The following ABCG1 variants were observed in gnomAD, a reference collection of about 807,000 sequenced individuals.
ABCG1 encodes ATP binding cassette subfamily G member 1, also known as ATP-binding cassette sub-family G member 1.
ABCG1 carries 29 observed loss-of-function variants against 69.2 expected under a neutral mutation model. That is an observed-to-expected ratio of 0.42 (90% CI 0.31 to 0.57). The LOEUF is 0.57. Among genes scored for constraint, ABCG1 ranks in the 20% least tolerant of loss-of-function variants. The probability of loss-of-function intolerance (pLI) is 0.15; values close to 1 mark genes in which losing one functional copy is unlikely to be tolerated. For missense variants in ABCG1, 718 were observed against 898.1 expected (o/e 0.80, Z 2.56); for synonymous variants, 370 against 374.8 (o/e 0.99, Z 0.15).
At chr21:42,203,950 C>A (rs2067524900) in intron 2 of ABCG1, among the ~76,000 whole-genome samples, 1 of 152,200 alleles carries the variant, frequency 6.6e-6, no homozygotes, top group Non-Finnish European at 1.5e-5. Flanking sequence ...TTTTAGCATA[C>A]AAGTCCTGTA....
At chr21:42,258,891 A>G (rs897963282) in intron 2 of ABCG1, among the ~76,000 whole-genome samples, 7 of 152,252 alleles carry the variant, frequency 4.6e-5, no homozygotes, top group Non-Finnish European at 8.8e-5. Flanking sequence ...GAGCTGCTCC[A>G]GAACTTTCTT....
intron 2 of ABCG1, among the ~76,000 whole-genome samples, chr21:42,209,630 C>T (rs777874609): frequency 6.6e-6 from 1 of 152,192 alleles, no homozygotes; most frequent in Non-Finnish European, 1.5e-5. Context: ...AACTGATGAT[C>T]GTAATCAAGA....
chr21:42,204,724 GGA>G (rs1424916759), intron 2 of ABCG1, among the ~76,000 whole-genome samples: 10 of 152,188 alleles, frequency 6.6e-5, no homozygotes, highest in African/African-American at 2.2e-4. Context: ...TGCCCAGGCT[GGA>G]GTGCAGTGGC....
At position 42,273,157 on chromosome 21, in the gene ABCG1, C is replaced by A; in HGVS notation, c.405-146C>A. On this transcript the variant is annotated intron_variant, in intron 3 of 14. Transcript: ENST00000398449. This position sits in a 1 kb window ranked among gnomAD's most constrained non-coding sequence, Gnocchi z 5.3. ...AGTGCTAGCGAGGTCCGGTCCCTTT[C>A]TGCCCCTCGGGGTCCCCGTGGCCAG... The A allele has an allele frequency of 9.3e-7, 1 of 1,076,504 alleles. No homozygotes were observed. Among genetic ancestry groups the A allele is most frequent in the Non-Finnish European group, 1.3e-6 (1 of 752,784 alleles). 66.7% of individuals were successfully genotyped at this position (1,076,504 alleles called of 1,614,324 possible).
chr21:42,254,275 G>A (rs1194004656), intron 2 of ABCG1, among the ~76,000 whole-genome samples: 1 of 152,216 alleles, frequency 6.6e-6, no homozygotes, highest in East Asian at 1.9e-4. Flanking sequence ...GGACTTCAGA[G>A]CACAGCATCC....
intron 2 of ABCG1, among the ~76,000 whole-genome samples, chr21:42,202,368 C>T (rs2067512893): frequency 6.6e-6 from 1 of 152,092 alleles, no homozygotes; most frequent in South Asian, 2.1e-4. Context: ...TGCATGTATC[C>T]ACCCACTTTT....
In ABCG1 at chr21:42,219,254, C is replaced by A. The variant is rs748713294; in HGVS notation, c.-9C>A. ...CCGCCGCCGCCGCCGCCGCCGCCGC[C>A]CCCGGGGCATGGCCTGTCTGATGGC... On this transcript the variant is annotated 5_prime_UTR_variant, in exon 1 of 15. Transcript: ENST00000398449. The surrounding 1 kb of genome is among the most constrained non-coding windows in gnomAD (Gnocchi z 5.3). 2 of 1,550,516 alleles carry A rather than the reference C, an allele frequency of 1.3e-6. No individual in the cohort carries two copies. The highest frequency in any genetic ancestry group is 1.7e-6 in the Non-Finnish European group (2 of 1,156,308).
At position 42,279,563 on chromosome 21, in the gene ABCG1, G is replaced by C. The variant is rs112799926; in HGVS notation, c.588+2618G>C. On this transcript the variant is annotated intron_variant, in intron 5 of 14. Coordinates refer to ENST00000398449, the MANE Select transcript of ABCG1 (RefSeq NM_016818.3). ...GAAGCCAGGCCCCACCTGCCTTTTG[G>C]GGCAGTGCAACCTGAACTGGATGGT... Among the ~76,000 whole-genome samples, 939 of 152,330 alleles carry C rather than the reference G, an allele frequency of 6.2e-3. 12 individuals carry two copies. The highest frequency in any genetic ancestry group is 0.021 in the African/African-American group (891 of 41,574).
In ABCG1 at chr21:42,291,667, A is replaced by C. The variant is rs1435815945; in HGVS notation, c.1653+11A>C. On this transcript the variant is annotated intron_variant, in intron 13 of 14. Transcript: ENST00000398449. This position sits in a 1 kb window ranked among gnomAD's most constrained non-coding sequence, Gnocchi z 6.4. ...TCCACGTCCCTGCAGGTGCCAGCCC[A>C]GGAGGCGCTAAGTGAGGGCATGACG... 2.5e-6 allele frequency: 4 copies of C among 1,592,896 alleles called. No homozygotes were observed. In the African/African-American group the frequency reaches 4.0e-5, roughly 16 times the overall value.
chr21:42,286,032 G>A, intron 8 of ABCG1, 38 bp downstream of exon 8: 1 of 1,432,756 alleles, frequency 7.0e-7, no homozygotes, highest in Non-Finnish European at 9.8e-7. Context: ...GACAGAAAGG[G>A]GATTTTCCTC....
chr21:42,200,841 G>T (rs532488515), intron 1 of ABCG1, among the ~76,000 whole-genome samples: 1 of 152,004 alleles, frequency 6.6e-6, no homozygotes, highest in East Asian at 1.9e-4. Flanking sequence ...CACCTGCCTC[G>T]ACCTCCCAAA....
chr21:42,249,954 G>C (rs913528727), intron 2 of ABCG1, among the ~76,000 whole-genome samples: 2 of 151,486 alleles, frequency 1.3e-5, no homozygotes, highest in Non-Finnish European at 2.9e-5. Context: ...GCAGTCAGCC[G>C]AGATGGCGCC....
intron 1 of ABCG1, among the ~76,000 whole-genome samples, chr21:42,201,386 C>G (rs2168344): frequency 0.15 from 22,111 of 152,034 alleles, 1,770 homozygotes; most frequent in East Asian, 0.24. Flanking sequence ...ACTGATCTGA[C>G]AGGAGGGAGA....
chr21:42,211,282 G>A (rs1913966213), upstream of ABCG1, among the ~76,000 whole-genome samples: 1 of 152,060 alleles, frequency 6.6e-6, no homozygotes, highest in African/African-American at 2.4e-5. Flanking sequence ...TCTTTCAAAT[G>A]AACCAACACA....
intron 2 of ABCG1, among the ~76,000 whole-genome samples, chr21:42,206,145 G>A (rs1470787496): frequency 1.3e-5 from 2 of 152,076 alleles, no homozygotes; most frequent in African/African-American, 4.8e-5. Context: ...GATCACTTGA[G>A]GCCAGGAGTT....
chr21:42,201,626 T>G, exon 2 of ABCG1: 1 of 1,580,820 alleles, frequency 6.3e-7, no homozygotes, highest in Non-Finnish European at 8.6e-7. Flanking sequence ...TTCAGCCCCG[T>G]GCTCAGCAGA....
chr21:42,256,474 G>A (rs1601400807), intron 2 of ABCG1: 4 of 1,550,000 alleles, frequency 2.6e-6, no homozygotes, highest in East Asian at 4.9e-5. Context: ...CTGGCTGGGT[G>A]TACTGGCTAC....
At chr21:42,283,389 C>T (rs1053405815) in intron 6 of ABCG1, among the ~76,000 whole-genome samples, 2 of 152,174 alleles carry the variant, frequency 1.3e-5, no homozygotes, top group East Asian at 1.9e-4. Context: ...CACTGTCCCC[C>T]GGGCCTGTCA....
upstream of ABCG1, among the ~76,000 whole-genome samples, chr21:42,214,106 G>A (rs2123478343): frequency 6.6e-6 from 1 of 152,328 alleles, no homozygotes. Flanking sequence ...GAATGTTGGG[G>A]TTCCCCCTAA....
Sources: allele counts gnomAD v4.1 joint callset (sites outside exome capture counted in the v4.1 genomes callset), GRCh38; gene constraint gnomAD v4.1.1; non-coding constraint Gnocchi (gnomAD v3.1); transcripts MANE v1.5; gene names NCBI Gene and HGNC (gene_info 2026-07-23, HGNC 2026-07-21).